Variants in RNF11 observed in about 807,000 individuals in gnomAD.
RNF11 encodes the protein ring finger protein 11.
A neutral mutation model predicts 15.8 loss-of-function variants in RNF11; 4 were observed. The observed-to-expected ratio is 0.25, with a 90% confidence interval of 0.12 to 0.58. The LOEUF is 0.58. Among genes scored for constraint, RNF11 ranks in the 20% least tolerant of loss-of-function variants. The pLI is 0.91. For missense variants in RNF11, 139 were observed against 194.4 expected (o/e 0.71, Z 1.70); for synonymous variants, 68 against 72.3 (o/e 0.94, Z 0.30).
intron 1 of RNF11, among the ~76,000 whole-genome samples, chr1:51,244,251 T>C (rs754930231): frequency 3.9e-5 from 6 of 152,234 alleles, no homozygotes; most frequent in Non-Finnish European, 8.8e-5. Context: ...GAGTGTGCAA[T>C]TGTATGGTTG....
At chr1:51,252,805 T>TTGTGTG (rs145075866) in intron 1 of RNF11, among the ~76,000 whole-genome samples, 28,584 of 143,860 alleles carry the variant, frequency 0.2, 3,594 homozygotes, top group East Asian at 0.59. Context: ...TTTGTCCAGT[T>TTGTGTG]TGTGTGTGTG....
At chr1:51,242,854 A>T (rs72896459) in intron 1 of RNF11, among the ~76,000 whole-genome samples, 1 of 152,164 alleles carries the variant, frequency 6.6e-6, no homozygotes, top group African/African-American at 2.4e-5. Flanking sequence ...ATTTTGTTTA[A>T]CATTTGGGTG....
At chr1:51,257,848 CTTTTCTT>C (rs1307362879) in intron 1 of RNF11, among the ~76,000 whole-genome samples, 2 of 84,930 alleles carry the variant, frequency 2.4e-5, no homozygotes, top group Admixed American at 1.3e-4. Context: ...CTTTTCTTTT[CTTTTCTT>C]TTTTTTTTTT....
intron 1 of RNF11, among the ~76,000 whole-genome samples, chr1:51,244,517 G>A (rs1646843796): frequency 6.6e-6 from 1 of 152,150 alleles, no homozygotes; most frequent in Non-Finnish European, 1.5e-5. Flanking sequence ...GTCCCGAGTA[G>A]CTGGGACTAC....
intron 1 of RNF11, among the ~76,000 whole-genome samples, chr1:51,242,889 C>T (rs538050978): frequency 1.3e-5 from 2 of 151,956 alleles, no homozygotes; most frequent in African/African-American, 4.8e-5. Context: ...ATTTATTTCA[C>T]GTATCTAGGC....
intron 2 of RNF11, 85 bp from the exon 3 acceptor site, chr1:51,271,066 C>G: frequency 8.8e-7 from 1 of 1,130,644 alleles, no homozygotes; most frequent in East Asian, 2.4e-5. Context: ...CTCAGATTAA[C>G]ACTGTCTTTA....
intron 1 of RNF11, among the ~76,000 whole-genome samples, chr1:51,238,995 G>A (rs542361663): frequency 5.3e-5 from 8 of 152,120 alleles, no homozygotes; most frequent in East Asian, 1.9e-4. Flanking sequence ...CTCCCAAAGT[G>A]CTAGGATTAC....
Position 51,251,090 on chromosome 1 carries a change from G to A in RNF11, c.123+14211G>A, listed in dbSNP as rs1049765350. On this transcript the variant is annotated intron_variant, in intron 1 of 2. Coordinates refer to ENST00000242719, the MANE Select transcript of RNF11 (RefSeq NM_014372.5). ...GACCGACGTGGCCATTGTAGTCCCC[G>A]ATAGCAACAAACGCCTTGAACCTGG... The A allele has an allele frequency of 1.7e-5, 27 of 1,550,940 alleles. No individual in the cohort carries two copies. In the Admixed American group the frequency reaches 2.2e-4, roughly 13 times the overall value.
chr1:51,259,769 T>C (rs1170271505), intron 1 of RNF11, among the ~76,000 whole-genome samples: 1 of 152,094 alleles, frequency 6.6e-6, no homozygotes, highest in African/African-American at 2.4e-5. Flanking sequence ...TGGTGAGGAG[T>C]GTAGGTCAAA....
At chr1:51,239,256 C>T (rs1227549287) in intron 1 of RNF11, among the ~76,000 whole-genome samples, 2 of 152,036 alleles carry the variant, frequency 1.3e-5, no homozygotes, top group Non-Finnish European at 2.9e-5. Flanking sequence ...TTTATGGAAA[C>T]TGTGTTTGCC....
At chr1:51,244,806 G>A (rs762174933) in intron 1 of RNF11, among the ~76,000 whole-genome samples, 2 of 152,126 alleles carry the variant, frequency 1.3e-5, no homozygotes, top group Non-Finnish European at 2.9e-5. Flanking sequence ...CTCTCATTCT[G>A]AATGTGCTTT....
At chr1:51,243,896 C>A (rs1646840939) in intron 1 of RNF11, among the ~76,000 whole-genome samples, 1 of 152,150 alleles carries the variant, frequency 6.6e-6, no homozygotes, top group African/African-American at 2.4e-5. Context: ...TTGCTGTATT[C>A]CATGTATGTC....
At chr1:51,241,141 TAGAGAC>T (rs932369108) in intron 1 of RNF11, among the ~76,000 whole-genome samples, 23 of 152,050 alleles carry the variant, frequency 1.5e-4, no homozygotes, top group Admixed American at 1.2e-3. Context: ...ATTTAAAAAA[TAGAGAC>T]AGGGTCTCAT....
chr1:51,242,671 C>G (rs1378635309), intron 1 of RNF11, among the ~76,000 whole-genome samples: 4 of 151,952 alleles, frequency 2.6e-5, no homozygotes, highest in African/African-American at 9.7e-5. Flanking sequence ...TCACTTTGCC[C>G]AGGCTAGTTT....
chr1:51,251,702 C>T (rs915022143), intron 1 of RNF11, among the ~76,000 whole-genome samples: 1 of 152,100 alleles, frequency 6.6e-6, no homozygotes, highest in African/African-American at 2.4e-5. Context: ...CTTTGGGAGG[C>T]CGAGGCAGGA....
intron 1 of RNF11, among the ~76,000 whole-genome samples, chr1:51,248,253 G>T (rs889452228): frequency 6.7e-6 from 1 of 150,214 alleles, no homozygotes; most frequent in Non-Finnish European, 1.5e-5. Flanking sequence ...TGTCACCCTG[G>T]CTGGAGTGCA....
At chr1:51,257,026 C>T (rs1330636536) in intron 1 of RNF11, among the ~76,000 whole-genome samples, 1 of 152,194 alleles carries the variant, frequency 6.6e-6, no homozygotes, top group Non-Finnish European at 1.5e-5. Context: ...GTTTCTGTTA[C>T]CACACATCCT....
intron 1 of RNF11, among the ~76,000 whole-genome samples, chr1:51,257,033 TC>T (rs1487450854): frequency 6.6e-6 from 1 of 152,212 alleles, no homozygotes; most frequent in African/African-American, 2.4e-5. Context: ...TTACCACACA[TC>T]CTTGCCAGGA....
At position 51,251,556 on chromosome 1, in the gene RNF11, A is replaced by G. The variant is rs76039941; in HGVS notation, c.123+14677A>G. 1,834 of 574,112 alleles carry G rather than the reference A, an allele frequency of 3.2e-3. 31 individuals carry two copies. The African/African-American group carries it at 0.032, about 10-fold the overall frequency. 35.6% of individuals were successfully genotyped at this position (574,112 alleles called of 1,614,324 possible). On this transcript the variant is annotated intron_variant, in intron 1 of 2. Coordinates refer to ENST00000242719, the MANE Select transcript of RNF11 (RefSeq NM_014372.5). ...TCATTTTTTGAAATATCAAAAAATTAAGGTATGTCATGATGGATGCATAAA... is the reference window on the plus strand; with the variant it reads ...TCATTTTTTGAAATATCAAAAAATTGAGGTATGTCATGATGGATGCATAAA...
Sources: gnomAD v4.1 joint callset for allele counts (sites outside exome capture counted in the v4.1 genomes callset) on GRCh38, gnomAD v4.1.1 for gene constraint, MANE v1.5 for transcripts, NCBI Gene and HGNC (gene_info 2026-07-23, HGNC 2026-07-21) for gene names.